Variants in CTDSP2 observed in about 807,000 individuals in gnomAD.
The protein encoded by CTDSP2 is carboxy-terminal domain RNA polymerase II polypeptide A small phosphatase 2.
In CTDSP2, 9 loss-of-function variants were observed where a neutral mutation model predicts 31.6. The observed-to-expected ratio is 0.28, with a 90% confidence interval of 0.17 to 0.50. CTDSP2 has a LOEUF of 0.50. Among genes scored for constraint, CTDSP2 ranks in the 20% least tolerant of loss-of-function variants. The pLI is 0.98. For missense variants in CTDSP2, 267 were observed against 348.5 expected (o/e 0.77, Z 1.86); for synonymous variants, 134 against 134.5 (o/e 1.00, Z 0.03).
intron 1 of CTDSP2, among the ~76,000 whole-genome samples, chr12:57,839,085 T>C (rs756117864): frequency 6.6e-6 from 1 of 152,146 alleles, no homozygotes; most frequent in Non-Finnish European, 1.5e-5. Flanking sequence ...AGTTCCTCCT[T>C]CATATGGCTG....
chr12:57,825,082 T>C lies in CTDSP2; in HGVS notation c.412-763A>G, dbSNP rs575604225. Among the ~76,000 whole-genome samples the C allele has an allele frequency of 4.6e-5, 7 of 152,320 alleles. No individual in the cohort carries two copies. The South Asian group carries it at 1.5e-3, about 32-fold the overall frequency. Reference sequence around the variant, plus strand: ...TGAGGCCAGGCTGGTTGTGAACTTGTGGGCTCAGGCATTCCTCCTGCCTTG... The same window carrying C: ...TGAGGCCAGGCTGGTTGTGAACTTGCGGGCTCAGGCATTCCTCCTGCCTTG... On this transcript the variant is annotated intron_variant, in intron 5 of 7. Transcript: ENST00000398073.
At chr12:57,839,992 C>T (rs1314617238) in intron 1 of CTDSP2, among the ~76,000 whole-genome samples, 1 of 152,086 alleles carries the variant, frequency 6.6e-6, no homozygotes, top group Non-Finnish European at 1.5e-5. Flanking sequence ...TTACTCTGTC[C>T]ATTTACTCTG....
At chr12:57,827,833 C>T (rs1595188627) in intron 2 of CTDSP2, among the ~76,000 whole-genome samples, 2 of 152,262 alleles carry the variant, frequency 1.3e-5, no homozygotes, top group South Asian at 4.1e-4. Flanking sequence ...TTCTCGGCTG[C>T]CACTGCCTCT....
intron 1 of CTDSP2, among the ~76,000 whole-genome samples, chr12:57,832,571 C>T (rs958982993): frequency 2.6e-5 from 4 of 151,894 alleles, no homozygotes; most frequent in African/African-American, 9.7e-5. Context: ...GTGGGCGGAT[C>T]GCCTGAGGTC....
In CTDSP2 at chr12:57,827,603, A is replaced by G. The variant is rs373910219; in HGVS notation, c.214-13T>C. On this transcript the variant is annotated splice_polypyrimidine_tract_variant and intron_variant, in intron 2 of 7. Transcript: ENST00000398073. ...GGAGCAGATCCGACTGAGGAAGAGA[A>G]GGAGGTGGTCAGTGCCATCTCACTG... The G allele has an allele frequency of 5.0e-6, 8 of 1,613,778 alleles. No individual in the cohort carries two copies. Among genetic ancestry groups the G allele is most frequent in the Non-Finnish European group, 6.8e-6 (8 of 1,179,778 alleles).
rs1424441347 is a variant in CTDSP2, at chr12:57,824,439, G to A, written c.412-120C>T. 1.2e-5 allele frequency: 9 copies of A among 781,336 alleles called. No homozygotes were observed. The East Asian group carries it at 2.4e-4, about 21-fold the overall frequency. 48.4% of individuals were successfully genotyped at this position (781,336 alleles called of 1,614,324 possible). On this transcript the variant is annotated intron_variant, in intron 5 of 7. Transcript: ENST00000398073. Reference sequence around the variant, plus strand: ...TCAACCCCTGCAGCCCAGCCTCCTGGGCTACCTGGCTGGAAGCCTGCGGCC... The same window carrying A: ...TCAACCCCTGCAGCCCAGCCTCCTGAGCTACCTGGCTGGAAGCCTGCGGCC...
At chr12:57,830,976 G>A (rs1224771420) in intron 1 of CTDSP2, among the ~76,000 whole-genome samples, 5 of 151,420 alleles carry the variant, frequency 3.3e-5, no homozygotes, top group African/African-American at 9.7e-5. Context: ...TTGAACTCCT[G>A]ACCTCAGGTG....
chr12:57,830,421 CCAACAA>C (rs376992203), intron 1 of CTDSP2, among the ~76,000 whole-genome samples: 30 of 151,756 alleles, frequency 2.0e-4, no homozygotes, highest in African/African-American at 4.8e-4. Flanking sequence ...ACAAACAAAA[CCAACAA>C]CAACAACAAC....
intron 1 of CTDSP2, among the ~76,000 whole-genome samples, chr12:57,835,057 GGT>G (rs1201894632): frequency 1.3e-5 from 2 of 151,710 alleles, no homozygotes; most frequent in African/African-American, 4.8e-5. Flanking sequence ...AGGAGGCAGA[GGT>G]TATGGTAAGC....
At chr12:57,832,560 G>A (rs1034594338) in intron 1 of CTDSP2, among the ~76,000 whole-genome samples, 12 of 152,078 alleles carry the variant, frequency 7.9e-5, no homozygotes, top group African/African-American at 2.7e-4. Flanking sequence ...GGAAGGCCGA[G>A]GTGGGCGGAT....
At chr12:57,825,534 C>T (rs1278903320) in intron 5 of CTDSP2, among the ~76,000 whole-genome samples, 1 of 152,234 alleles carries the variant, frequency 6.6e-6, no homozygotes, top group Non-Finnish European at 1.5e-5. Flanking sequence ...CATCCCTATA[C>T]CCTCAGCTAG....
At position 57,838,844 on chromosome 12, in the gene CTDSP2, G is replaced by A. The variant is rs146235937; in HGVS notation, c.64+7528C>T. Among the ~76,000 whole-genome samples the A allele has an allele frequency of 3.8e-3, 577 of 152,254 alleles. 3 individuals are homozygous for A. Among genetic ancestry groups the A allele is most frequent in the African/African-American group, 0.013 (535 of 41,544 alleles). On this transcript the variant is annotated intron_variant, in intron 1 of 7. Coordinates refer to ENST00000398073, the MANE Select transcript of CTDSP2 (RefSeq NM_005730.4). ...TGCAGGGAGCTCAGGGAGTGTCCTG[G>A]TCCTAACAAAAGCTTTGTAAGTGTC...
intron 1 of CTDSP2, among the ~76,000 whole-genome samples, chr12:57,839,716 T>G (rs983175647): frequency 6.6e-6 from 1 of 151,414 alleles, no homozygotes; most frequent in Non-Finnish European, 1.5e-5. Flanking sequence ...AGAGCAAGAC[T>G]CCATCTCAAA....
chr12:57,832,790 T>TAAAAAAAAAAAAAAAAAAAAAAAAAAAA, intron 1 of CTDSP2, among the ~76,000 whole-genome samples: 1 of 44,898 alleles, frequency 2.2e-5, no homozygotes, highest in Non-Finnish European at 3.7e-5. Context: ...AGACTCTGGC[T>TAAAAAAAAAAAAAAAAAAAAAAAAAAAA]AAAAAAAAAA....
intron 2 of CTDSP2, among the ~76,000 whole-genome samples, chr12:57,828,312 G>A (rs927135991): frequency 3.9e-5 from 6 of 151,970 alleles, no homozygotes; most frequent in Non-Finnish European, 7.4e-5. Flanking sequence ...CCAGCTACTC[G>A]GGAGACTGAG....
chr12:57,840,500 C>CT (rs1201305022), intron 1 of CTDSP2, among the ~76,000 whole-genome samples: 14 of 152,200 alleles, frequency 9.2e-5, no homozygotes, highest in Non-Finnish European at 1.3e-4. Flanking sequence ...CTGCAGGCCC[C>CT]TGTTCCTGTG....
At chr12:57,834,304 C>T (rs1956233833) in intron 1 of CTDSP2, among the ~76,000 whole-genome samples, 1 of 152,206 alleles carries the variant, frequency 6.6e-6, no homozygotes, top group South Asian at 2.1e-4. Context: ...GCTAGGACTA[C>T]AGTCTTCTTG....
At chr12:57,828,186 G>A (rs1474093559) in intron 2 of CTDSP2, among the ~76,000 whole-genome samples, 5 of 152,130 alleles carry the variant, frequency 3.3e-5, no homozygotes, top group South Asian at 2.1e-4. Flanking sequence ...TTGGGAGGCC[G>A]AGGCGCGCGG....
At chr12:57,824,478 C>T (rs1956170287) in intron 5 of CTDSP2, 159 bp from the exon 6 acceptor site, 1 of 677,566 alleles carries the variant, frequency 1.5e-6, no homozygotes, top group Non-Finnish European at 2.7e-6. Flanking sequence ...TGAGACCCCA[C>T]AGACCCGGAG....
Sources: gnomAD v4.1 joint callset for allele counts (sites outside exome capture counted in the v4.1 genomes callset) on GRCh38, gnomAD v4.1.1 for gene constraint, MANE v1.5 for transcripts, NCBI Gene and HGNC (gene_info 2026-07-23, HGNC 2026-07-21) for gene names.